The following RAB1A variants were observed in gnomAD, a reference collection of about 807,000 sequenced individuals.
The protein encoded by RAB1A is RAB1A, member RAS oncogene family.
RAB1A carries 2 observed loss-of-function variants against 26.0 expected under a neutral mutation model. The observed-to-expected ratio is 0.08, with a 90% CI of 0.03 to 0.24. The LOEUF is 0.24. Among genes scored for constraint, RAB1A ranks in the 10% least tolerant of loss-of-function variants. The pLI, the probability that RAB1A is intolerant of heterozygous loss-of-function variation, is 1.00. For synonymous variants in RAB1A, 84 were observed against 84.9 expected (o/e 0.99, Z 0.06); for missense variants, 100 against 247.0 (o/e 0.40, Z 3.99).
chr2:65,129,742 G>T (rs1328873987), intron 1 of RAB1A, 151 bp downstream of exon 1: 25 of 1,311,258 alleles, frequency 1.9e-5, no homozygotes, highest in Non-Finnish European at 2.6e-5. Flanking sequence ...CAGACAATGG[G>T]GCCCGACTCC....
chr2:65,106,050 G>A (rs1004593649), intron 1 of RAB1A, among the ~76,000 whole-genome samples: 5 of 152,072 alleles, frequency 3.3e-5, no homozygotes, highest in African/African-American at 7.2e-5. Flanking sequence ...GTGAGCCACC[G>A]CACCCAGTGA....
At chr2:65,129,555 T>C (rs1201911778) in intron 1 of RAB1A, among the ~76,000 whole-genome samples, 1 of 150,186 alleles carries the variant, frequency 6.7e-6, no homozygotes, top group Non-Finnish European at 1.5e-5. Context: ...TAGAGACAAG[T>C]CCTCCTTCAA....
intron 2 of RAB1A, among the ~76,000 whole-genome samples, chr2:65,101,841 C>T (rs1188563933): frequency 1.3e-5 from 2 of 150,346 alleles, no homozygotes; most frequent in African/African-American, 4.9e-5. Flanking sequence ...CCTCCGCCTC[C>T]TGGGTTCAAG....
intron 1 of RAB1A, among the ~76,000 whole-genome samples, chr2:65,112,974 T>C (rs1265113591): frequency 6.6e-6 from 1 of 152,154 alleles, no homozygotes; most frequent in Admixed American, 6.6e-5. Flanking sequence ...TTTGGGAGGC[T>C]GAGGCTGGAG....
intron 1 of RAB1A, among the ~76,000 whole-genome samples, chr2:65,117,165 A>T (rs1466162994): frequency 1.3e-5 from 2 of 148,858 alleles, no homozygotes; most frequent in Non-Finnish European, 3.0e-5. Context: ...TTCTGGGCTC[A>T]AGCAACCCTC....
At chr2:65,122,155 CAAAAAAAAAAAA>C (rs57590844) in intron 1 of RAB1A, among the ~76,000 whole-genome samples, 4 of 31,728 alleles carry the variant, frequency 1.3e-4, no homozygotes, top group South Asian at 1.9e-3. Flanking sequence ...GACTCTATCT[CAAAAAAAAAAAA>C]AAAAAAAAAA....
In RAB1A at chr2:65,129,944, C is replaced by A; in HGVS notation, c.-29G>T. The A allele has an allele frequency of 6.3e-7, 1 of 1,581,036 alleles. No homozygotes were observed. The highest frequency in any genetic ancestry group is 8.6e-7 in the Non-Finnish European group (1 of 1,165,182). ...ACTGCAGCTGCCGCCGCCGCCACCG[C>A]CGCCCTTGCTGCCGCAGCCGCCGCC... On this transcript the variant is annotated 5_prime_UTR_variant, in exon 1 of 6. Coordinates refer to ENST00000409784, the MANE Select transcript of RAB1A (RefSeq NM_004161.5).
intron 1 of RAB1A, among the ~76,000 whole-genome samples, chr2:65,124,484 G>A (rs897521859): frequency 6.6e-6 from 1 of 152,060 alleles, no homozygotes; most frequent in Non-Finnish European, 1.5e-5. Flanking sequence ...GTCTTGCTCT[G>A]TCGCCCAGGC....
At chr2:65,114,993 T>C (rs1389528584) in intron 1 of RAB1A, among the ~76,000 whole-genome samples, 1 of 152,202 alleles carries the variant, frequency 6.6e-6, no homozygotes, top group Non-Finnish European at 1.5e-5. Context: ...CACTCTGTTA[T>C]AAAAGTGAGT....
At chr2:65,098,127 G>A (rs1218374364) in intron 2 of RAB1A, 61 bp from the exon 3 acceptor site, 5 of 958,130 alleles carry the variant, frequency 5.2e-6, no homozygotes, top group South Asian at 4.1e-5. Context: ...GCAAGTCTAA[G>A]TGGAAAAAAA....
chr2:65,089,543 T>G (rs1015591211), intron 4 of RAB1A, among the ~76,000 whole-genome samples: 1 of 152,126 alleles, frequency 6.6e-6, no homozygotes, highest in African/African-American at 2.4e-5. Context: ...ACTATAAATA[T>G]CTAAACAATG....
chr2:65,088,745 A>G lies in RAB1A; in HGVS notation c.421-55T>C, dbSNP rs1669097368. The G allele has an allele frequency of 2.1e-6, 3 of 1,461,482 alleles. No homozygotes were observed. The South Asian group carries it at 3.9e-5, about 19-fold the overall frequency. 90.5% of individuals were successfully genotyped at this position (1,461,482 alleles called of 1,614,324 possible). A position where few individuals can be genotyped will look rare whatever the true frequency, so the allele number is the denominator to read the frequency against. ...TGAAAAATCTTTTTCACTAATTCTT[A>G]GTGCATTTCTACCATCCATAATGGA... On this transcript the variant is annotated intron_variant, in intron 5 of 5. Transcript: ENST00000409784.
chr2:65,106,750 G>A (rs1001748298), intron 1 of RAB1A, among the ~76,000 whole-genome samples: 1 of 149,298 alleles, frequency 6.7e-6, no homozygotes, highest in African/African-American at 2.5e-5. Context: ...TAAAAAGATC[G>A]CTATTGTAGA....
chr2:65,106,117 T>C (rs777282675), intron 1 of RAB1A, among the ~76,000 whole-genome samples: 1 of 152,018 alleles, frequency 6.6e-6, no homozygotes, highest in African/African-American at 2.4e-5. Flanking sequence ...TCAAAAACTA[T>C]CCCCAGAGAT....
At chr2:65,108,644 TA>T (rs1669620405) in intron 1 of RAB1A, among the ~76,000 whole-genome samples, 2 of 151,536 alleles carry the variant, frequency 1.3e-5, no homozygotes. Flanking sequence ...CCGTCTTTAC[TA>T]AAAATACAAA....
chr2:65,107,000 G>A (rs13005414), intron 1 of RAB1A, among the ~76,000 whole-genome samples: 98,983 of 151,956 alleles, frequency 0.65, 32,506 homozygotes, highest in Non-Finnish European at 0.69. Flanking sequence ...TGATCCACCC[G>A]CCTTGGCCTC....
intron 3 of RAB1A, among the ~76,000 whole-genome samples, chr2:65,093,011 G>A (rs529343011): frequency 1.6e-4 from 25 of 152,050 alleles, no homozygotes; most frequent in Non-Finnish European, 2.8e-4. Flanking sequence ...GTTTCCTGAG[G>A]CCTCCTCAGC....
chr2:65,129,948 C>A lies in RAB1A; in HGVS notation c.-33G>T, dbSNP rs374100244. 1.8e-5 allele frequency: 28 copies of A among 1,579,426 alleles called. 1 individual carries two copies. The African/African-American group carries it at 3.5e-4, about 20-fold the overall frequency. ...CAGCTGCCGCCGCCGCCACCGCCGC[C>A]CTTGCTGCCGCAGCCGCCGCCCTGA... is the stretch of plus-strand genomic sequence containing the variant. On this transcript the variant is annotated 5_prime_UTR_variant, in exon 1 of 6. Coordinates refer to ENST00000409784, the MANE Select transcript of RAB1A (RefSeq NM_004161.5).
intron 1 of RAB1A, among the ~76,000 whole-genome samples, chr2:65,128,765 C>A (rs1317372035): frequency 6.6e-6 from 1 of 152,116 alleles, no homozygotes; most frequent in African/African-American, 2.4e-5. Flanking sequence ...CCCTCAAAGG[C>A]CTTTGACACT....
Sources: allele counts gnomAD v4.1 joint callset (sites outside exome capture counted in the v4.1 genomes callset), GRCh38; gene constraint gnomAD v4.1.1; transcripts MANE v1.5; gene names NCBI Gene and HGNC (gene_info 2026-07-23, HGNC 2026-07-21).